PTPRB: variants seen among roughly 807,000 people sequenced by gnomAD.
The protein encoded by PTPRB is protein tyrosine phosphatase receptor type B, also known as receptor-type tyrosine-protein phosphatase beta.
In PTPRB, 97 loss-of-function variants were observed where a neutral mutation model predicts 238.1. That is an observed-to-expected ratio of 0.41 (90% CI 0.35 to 0.48). The LOEUF (loss-of-function observed/expected upper bound fraction) is 0.48. Among genes scored for constraint, PTPRB ranks in the 20% least tolerant of loss-of-function variants. The pLI is 0.30. For synonymous variants in PTPRB, 970 were observed against 995.4 expected, an observed-to-expected ratio of 0.97 and a Z score of 0.48; for missense variants, 2,292 against 2,681.9, an observed-to-expected ratio of 0.85 and a Z score of 3.21.
chr12:70,543,182 A>G (rs909409788), intron 22 of PTPRB: 2 of 152,106 alleles, frequency 1.3e-5, no homozygotes, highest in African/African-American at 4.8e-5. Flanking sequence ...TTCTAATCCA[A>G]GGTTACAAAG....
intron 9 of PTPRB, among the ~76,000 whole-genome samples, chr12:70,583,142 C>A (rs1301618574): frequency 1.3e-5 from 2 of 152,046 alleles, no homozygotes; most frequent in Middle Eastern, 3.2e-3. Flanking sequence ...CTTTGGAAAG[C>A]AGTTTGGCAG....
rs577232119 is a variant in PTPRB, at chr12:70,610,426, C to T, written c.709-1087G>A. Among the ~76,000 whole-genome samples the T allele has an allele frequency of 3.3e-5, 5 of 151,242 alleles. No individual in the cohort carries two copies. The East Asian group carries it at 7.9e-4, about 24-fold the overall frequency. On this transcript the variant is annotated intron_variant, in intron 3 of 33. Coordinates refer to ENST00000334414, the MANE Select transcript of PTPRB (RefSeq NM_001109754.4). ...TTCCTCCCTCCACACCCAGCGTCTC[C>T]CCCTCCCTATCTTCCTTCCTATCTT...
chr12:70,570,043 A>G, intron 13 of PTPRB, 105 bp from the exon 14 acceptor site: 1 of 1,051,956 alleles, frequency 9.5e-7, no homozygotes, highest in Non-Finnish European at 1.4e-6. Flanking sequence ...CACTGAGAGA[A>G]CTCACATGAA....
chr12:70,589,904 T>A, intron 8 of PTPRB, 60 bp downstream of exon 8: 1 of 1,526,464 alleles, frequency 6.6e-7, no homozygotes, highest in Non-Finnish European at 8.9e-7. Flanking sequence ...TTACCTGGGT[T>A]ACCTGGGAGA....
chr12:70,617,977 GT>G (rs2136567913), intron 3 of PTPRB, among the ~76,000 whole-genome samples: 1 of 152,330 alleles, frequency 6.6e-6, no homozygotes, highest in East Asian at 1.9e-4. Context: ...GACTCATCTG[GT>G]TTTTAACACC....
chr12:70,621,090 G>A (rs1436980049), intron 3 of PTPRB, among the ~76,000 whole-genome samples: 1 of 152,192 alleles, frequency 6.6e-6, no homozygotes, highest in Non-Finnish European at 1.5e-5. Context: ...TTTGAGAGCT[G>A]GAGATTTAGG....
At chr12:70,566,318 C>A (rs772592519) in intron 15 of PTPRB, 117 bp downstream of exon 15, 5 of 1,284,110 alleles carry the variant, frequency 3.9e-6, no homozygotes, top group Middle Eastern at 2.1e-4. Flanking sequence ...ATGTTCCCAG[C>A]GTATCAAGAG....
intron 4 of PTPRB, among the ~76,000 whole-genome samples, chr12:70,600,902 C>T (rs907236073): frequency 3.3e-5 from 5 of 151,884 alleles, no homozygotes; most frequent in Non-Finnish European, 7.4e-5. Flanking sequence ...GAGTCTAGCT[C>T]TGTCGCTGAG....
intron 23 of PTPRB, chr12:70,540,240 T>G (rs1874850435): frequency 2.2e-6 from 1 of 464,106 alleles, no homozygotes; most frequent in Admixed American, 3.7e-5. Flanking sequence ...TGAAGATTTG[T>G]CTCCTGGTTT....
At chr12:70,636,125 C>T (rs761564810) in intron 1 of PTPRB, 59 bp from the exon 2 acceptor site, 12 of 1,442,570 alleles carry the variant, frequency 8.3e-6, no homozygotes, top group East Asian at 7.0e-5. Context: ...CATTAGAAAA[C>T]GGAAGAACCC....
chr12:70,571,897 T>C lies in PTPRB; in HGVS notation c.3033A>G (p.Gly1011=). The change falls in exon 12 of 34, where the codon GGA becomes GGG. Residue 1011 remains glycine (G), a synonymous_variant. Coordinates refer to ENST00000334414, the MANE Select transcript of PTPRB (RefSeq NM_001109754.4). ...NECVFVQLVP[G]RLYSVTVTTK... is the part of the protein sequence containing the mutation. ...TAGTAACAGTGACACTGTACAACCG[T>C]CCAGGGACTAGCTGAACAAATACAC... 6.2e-7 allele frequency: 1 copy of C among 1,613,914 alleles called. No individual in the cohort carries two copies. The highest frequency in any genetic ancestry group is 1.1e-5 in the South Asian group (1 of 91,086).
intron 22 of PTPRB, 83 bp downstream of exon 22, chr12:70,544,474 C>A: frequency 1.1e-6 from 1 of 918,052 alleles, no homozygotes; most frequent in South Asian, 1.5e-5. Flanking sequence ...ATGTTCCCCC[C>A]ACCATCAGCC....
At chr12:70,536,198 G>A in intron 28 of PTPRB, 39 bp from the exon 29 acceptor site, 1 of 1,593,208 alleles carries the variant, frequency 6.3e-7, no homozygotes. Context: ...AGAAACAATG[G>A]GCCTCTTCAG....
At chr12:70,583,259 T>C (rs1881565344) in intron 9 of PTPRB, among the ~76,000 whole-genome samples, 1 of 152,090 alleles carries the variant, frequency 6.6e-6, no homozygotes, top group Admixed American at 6.6e-5. Flanking sequence ...CTTCCCTTTC[T>C]GGCAGTATGA....
rs111887306 is a variant in PTPRB, at chr12:70,635,875, T to G, written c.247A>C (p.Ile83Leu). Residue 83 changes from isoleucine (I) to leucine (L), a missense_variant, in exon 2 of 34, where the codon ATC becomes CTC. Around this residue, in one of 4 missense-constraint regions of PTPRB, gnomAD observed 1,205 missense variants for 1,287.8 expected, o/e 0.94. Transcript: ENST00000334414. ...GGTGCCTGGGAACAGCGGTCCAAGA[T>G]GGCTGAGCGGGAGGGGCCGCGGGAA... Reference protein sequence around the residue: ...NSSRGPSRSAILDRCSQAPRW... With the variant: ...NSSRGPSRSALLDRCSQAPRW... 6.2e-7 allele frequency: 1 copy of G among 1,613,754 alleles called. No homozygotes were observed. Among genetic ancestry groups the G allele is most frequent in the Non-Finnish European group, 8.5e-7 (1 of 1,179,828 alleles).
At chr12:70,573,370 AT>A (rs1880308600) in intron 11 of PTPRB, among the ~76,000 whole-genome samples, 1 of 152,062 alleles carries the variant, frequency 6.6e-6, no homozygotes, top group Admixed American at 6.6e-5. Flanking sequence ...GATGTAGGTT[AT>A]TGTCAAGGTC....
At chr12:70,577,329 T>C (rs1368432386) in intron 10 of PTPRB, among the ~76,000 whole-genome samples, 2 of 152,198 alleles carry the variant, frequency 1.3e-5, no homozygotes, top group African/African-American at 4.8e-5. Flanking sequence ...ATGTCAACTA[T>C]AATCATTTGC....
At chr12:70,548,766 C>G (rs1876462295) in intron 21 of PTPRB, among the ~76,000 whole-genome samples, 1 of 152,192 alleles carries the variant, frequency 6.6e-6, no homozygotes, top group South Asian at 2.1e-4. Flanking sequence ...TCCTATCATC[C>G]CAGTCTACTC....
intron 21 of PTPRB, among the ~76,000 whole-genome samples, 152 bp downstream of exon 21, chr12:70,552,625 C>A (rs1877064447): frequency 6.6e-6 from 1 of 152,060 alleles, no homozygotes; most frequent in African/African-American, 2.4e-5. Flanking sequence ...AGGCAGGAAT[C>A]CAACGTTTAT....
Sources: gnomAD v4.1 joint callset for allele counts (sites outside exome capture counted in the v4.1 genomes callset) on GRCh38, gnomAD v4.1.1 for gene constraint, gnomAD v4.1.1 regional missense constraint, MANE v1.5 for transcripts, NCBI Gene and HGNC (gene_info 2026-07-23, HGNC 2026-07-21) for gene names.